LRMDA: variants seen among roughly 807,000 people sequenced by gnomAD.
The protein encoded by LRMDA is leucine rich melanocyte differentiation associated.
LRMDA carries 18 observed loss-of-function variants against 29.8 expected under a neutral mutation model. The ratio of observed to expected loss-of-function variants is 0.60; its 90% confidence interval spans 0.42 to 0.90. LRMDA has a LOEUF of 0.90. LRMDA is among the 40% of genes least tolerant of loss of function. LRMDA has a pLI of 0.00. For missense variants in LRMDA, 273 were observed against 273.9 expected (o/e 1.00, Z 0.02); for synonymous variants, 125 against 109.4 (o/e 1.14, Z -0.89).
intron 2 of LRMDA, among the ~76,000 whole-genome samples, chr10:75,692,239 T>TACAC (rs1417589348): frequency 2.2e-5 from 3 of 139,056 alleles, no homozygotes; most frequent in African/African-American, 8.3e-5. Flanking sequence ...TATATATATA[T>TACAC]ATATATATAC....
intron 2 of LRMDA, among the ~76,000 whole-genome samples, chr10:75,465,531 A>C (rs1032327003): frequency 6.6e-5 from 10 of 152,208 alleles, no homozygotes; most frequent in African/African-American, 2.4e-4. Context: ...AATCTGAAAC[A>C]GAGAAAAATT....
intron 2 of LRMDA, among the ~76,000 whole-genome samples, chr10:75,787,700 T>C (rs1843496206): frequency 1.3e-5 from 2 of 152,226 alleles, no homozygotes; most frequent in Admixed American, 6.5e-5. Flanking sequence ...TGTAGCAAAG[T>C]CTGAAGGTCT....
At chr10:76,411,191 T>C (rs1841957131) in intron 6 of LRMDA, among the ~76,000 whole-genome samples, 1 of 152,188 alleles carries the variant, frequency 6.6e-6, no homozygotes, top group Admixed American at 6.5e-5. Flanking sequence ...GTGTTACAAC[T>C]TGTCAGCGTC....
At chr10:76,370,082 G>A (rs1478732717) in intron 6 of LRMDA, among the ~76,000 whole-genome samples, 1 of 151,392 alleles carries the variant, frequency 6.6e-6, no homozygotes, top group Non-Finnish European at 1.5e-5. Flanking sequence ...TAAATAGACT[G>A]CAGATCATTT....
intron 5 of LRMDA, among the ~76,000 whole-genome samples, chr10:76,156,982 A>C (rs1211257797): frequency 6.6e-6 from 1 of 152,196 alleles, no homozygotes; most frequent in African/African-American, 2.4e-5. Flanking sequence ...TGTGTAATGC[A>C]TAGTTGCTGC....
chr10:76,181,028 T>A (rs1175149887), intron 5 of LRMDA, among the ~76,000 whole-genome samples: 1 of 152,138 alleles, frequency 6.6e-6, no homozygotes, highest in Admixed American at 6.5e-5. Flanking sequence ...AGAGTGCCAC[T>A]GTGAGTCTTC....
chr10:75,873,029 T>A (rs1450087804), intron 2 of LRMDA, among the ~76,000 whole-genome samples: 1 of 152,114 alleles, frequency 6.6e-6, no homozygotes, highest in Non-Finnish European at 1.5e-5. Context: ...ATAATCATGC[T>A]TTTGCATGCA....
intron 2 of LRMDA, among the ~76,000 whole-genome samples, chr10:75,647,955 G>C (rs1841544524): frequency 6.6e-6 from 1 of 151,636 alleles, no homozygotes; most frequent in African/African-American, 2.4e-5. Flanking sequence ...CCTGAAGATG[G>C]GGTATTGAAA....
At position 75,895,955 on chromosome 10, in the gene LRMDA, C is replaced by T. The variant is rs544995788; in HGVS notation, c.132-140053C>T. ...TGGGTTCCAGTCCTTTTCTTACTAA[C>T]CTGTGACCTAGGGCAGTTTGCATAA... On this transcript the variant is annotated intron_variant, in intron 2 of 6. Coordinates refer to ENST00000611255, the MANE Select transcript of LRMDA (RefSeq NM_001305581.2). 3.3e-5 allele frequency among the ~76,000 whole-genome samples: 5 copies of T among 152,280 alleles called. No homozygotes were observed. In the South Asian group the frequency reaches 8.3e-4, roughly 25 times the overall value.
chr10:76,527,258 G>A (rs1016146648), intron 6 of LRMDA, among the ~76,000 whole-genome samples: 5 of 152,064 alleles, frequency 3.3e-5, no homozygotes, highest in African/African-American at 1.2e-4. Context: ...AGTTGGGTCT[G>A]CCTCTTTGAT....
rs1843604781 is a variant in LRMDA at position 76,560,119 on chromosome 10, G to A, written c.*2831G>A. On this transcript the variant is annotated 3_prime_UTR_variant, in exon 7 of 7. Coordinates refer to ENST00000611255, the MANE Select transcript of LRMDA (RefSeq NM_001305581.2). ...ATCAGGCTGCATGTCTGAGTGTTGT[G>A]TGTTTTCACATACTCATGTATACTA... 1 of 152,072 alleles carries A rather than the reference G, an allele frequency of 6.6e-6. No homozygotes were observed. The highest frequency in any genetic ancestry group is 6.5e-5 in the Admixed American group (1 of 15,272). The allele number at this position is 152,072 out of a possible 1,614,324, so 9.4% of individuals were successfully genotyped here.
intron 2 of LRMDA, among the ~76,000 whole-genome samples, chr10:75,530,638 T>C (rs1845466421): frequency 6.6e-6 from 1 of 152,196 alleles, no homozygotes; most frequent in South Asian, 2.1e-4. Context: ...GCCTCACTCC[T>C]TCACTGTGGG....
intron 5 of LRMDA, among the ~76,000 whole-genome samples, chr10:76,206,266 T>C (rs1851534947): frequency 6.6e-6 from 1 of 152,130 alleles, no homozygotes; most frequent in Admixed American, 6.5e-5. Flanking sequence ...GTTGTGCTTG[T>C]CCCACTGCCT....
At chr10:75,559,708 T>C (rs898367296) in intron 2 of LRMDA, among the ~76,000 whole-genome samples, 1 of 149,244 alleles carries the variant, frequency 6.7e-6, no homozygotes, top group African/African-American at 2.4e-5. Flanking sequence ...TTAATTTTTG[T>C]ATAAGGTGTA....
intron 2 of LRMDA, among the ~76,000 whole-genome samples, chr10:75,495,048 A>T (rs576335815): frequency 1.3e-5 from 2 of 152,308 alleles, no homozygotes; most frequent in South Asian, 4.1e-4. Context: ...AGCCGTCCAG[A>T]TGTAAGGCCA....
chr10:75,969,225 A>C (rs1046861938), intron 2 of LRMDA, among the ~76,000 whole-genome samples: 2 of 152,200 alleles, frequency 1.3e-5, no homozygotes, highest in Non-Finnish European at 2.9e-5. Flanking sequence ...TCCTGTGGTC[A>C]TCTGGCTCTC....
chr10:76,147,907 T>A lies in LRMDA; in HGVS notation c.516+89124T>A, dbSNP rs909633216. 4.6e-5 allele frequency among the ~76,000 whole-genome samples: 7 copies of A among 152,364 alleles called. No individual in the cohort carries two copies. The East Asian group carries it at 5.8e-4, about 13-fold the overall frequency. On this transcript the variant is annotated intron_variant, in intron 5 of 6. Transcript: ENST00000611255. The stretch of plus-strand genomic sequence containing the variant: ...TTTGTTAGTTTTCCTTCTAACAGAC[T>A]GGACCCTCAGCTGCAGGTCTGTTGG...
intron 2 of LRMDA, among the ~76,000 whole-genome samples, chr10:75,855,160 T>C (rs943808517): frequency 4.6e-5 from 7 of 152,148 alleles, no homozygotes; most frequent in Non-Finnish European, 8.8e-5. Flanking sequence ...TCCACAAGGG[T>C]TGGACTAGTT....
At chr10:76,056,595 G>A (rs539469486) in intron 4 of LRMDA, among the ~76,000 whole-genome samples, 1 of 152,346 alleles carries the variant, frequency 6.6e-6, no homozygotes, top group African/African-American at 2.4e-5. Flanking sequence ...AAGTCCAGAA[G>A]GGGCTGAGGT....
Sources: allele counts gnomAD v4.1 joint callset (sites outside exome capture counted in the v4.1 genomes callset), GRCh38; gene constraint gnomAD v4.1.1; transcripts MANE v1.5; gene names NCBI Gene and HGNC (gene_info 2026-07-23, HGNC 2026-07-21).